NMT2: variants seen among roughly 807,000 people sequenced by gnomAD.
NMT2 encodes N-myristoyltransferase 2, also known as glycylpeptide N-tetradecanoyltransferase 2.
Under a neutral mutation model 65.4 loss-of-function variants are expected in NMT2, and 35 were observed. The observed-to-expected ratio is 0.54, with a 90% CI of 0.41 to 0.71. The LOEUF (loss-of-function observed/expected upper bound fraction) is 0.71, where lower values mean the gene tolerates loss of function less well. NMT2 is among the 30% of genes least tolerant of loss of function. NMT2 has a pLI of 0.00. For synonymous variants in NMT2, 226 were observed against 231.8 expected (o/e 0.98, Z 0.23); for missense variants, 489 against 611.3 (o/e 0.80, Z 2.11).
intron 1 of NMT2, among the ~76,000 whole-genome samples, chr10:15,160,365 GAGC>G (rs1476323697): frequency 6.6e-6 from 1 of 152,146 alleles, no homozygotes; most frequent in African/African-American, 2.4e-5. Flanking sequence ...CAGGCACAAG[GAGC>G]CCGGTGATGG....
chr10:15,166,697 G>A (rs1440645286), intron 1 of NMT2, among the ~76,000 whole-genome samples: 1 of 152,012 alleles, frequency 6.6e-6, no homozygotes, highest in Non-Finnish European at 1.5e-5. Flanking sequence ...CAGTCCATGG[G>A]GCATCTCTAA....
At chr10:15,130,096 A>G in intron 7 of NMT2, 46 bp downstream of exon 7, 1 of 1,366,890 alleles carries the variant, frequency 7.3e-7, no homozygotes, top group Non-Finnish European at 9.6e-7. Context: ...GAGGCTCAAC[A>G]TTTTTGATAA....
intron 9 of NMT2, among the ~76,000 whole-genome samples, chr10:15,116,084 G>C (rs111444138): frequency 0.014 from 2,166 of 152,274 alleles, 54 homozygotes; most frequent in African/African-American, 0.05. Context: ...TCAACATGAT[G>C]CAATTGCCAT....
At chr10:15,120,340 C>A (rs1201472119) in intron 8 of NMT2, among the ~76,000 whole-genome samples, 2 of 152,148 alleles carry the variant, frequency 1.3e-5, no homozygotes, top group African/African-American at 4.8e-5. Context: ...CACCTGTAAT[C>A]CCAGCTACTC....
intron 8 of NMT2, among the ~76,000 whole-genome samples, chr10:15,122,457 G>A (rs796159568): frequency 2.0e-5 from 3 of 150,914 alleles, no homozygotes; most frequent in South Asian, 2.1e-4. Flanking sequence ...TTACTCTGTC[G>A]CCCAGGCTGG....
At chr10:15,116,341 G>A (rs1300413021) in intron 9 of NMT2, among the ~76,000 whole-genome samples, 2 of 152,118 alleles carry the variant, frequency 1.3e-5, no homozygotes, top group Non-Finnish European at 2.9e-5. Context: ...GGGCTAAAGA[G>A]GAAGCCTCAA....
rs1845360889 is a variant in NMT2 at position 15,107,902 on chromosome 10, A to G, written c.*1293T>C. 2.0e-6 allele frequency: 2 copies of G among 985,450 alleles called. No individual in the cohort carries two copies. The allele number at this position is 985,450 out of a possible 1,614,324, so 61.0% of individuals were successfully genotyped here. ...ATTCTAGATTAAAAACACCATCAGT[A>G]ACAAAATTATGAATACTTATTTACA... On this transcript the variant is annotated 3_prime_UTR_variant, in exon 12 of 12. Coordinates refer to ENST00000378165, the MANE Select transcript of NMT2 (RefSeq NM_004808.3).
Position 15,108,733 on chromosome 10 carries a change from T to TA in NMT2, c.*461dup, listed in dbSNP as rs1845403367. 9.8e-7 allele frequency: 1 copy of TA among 1,021,866 alleles called. No homozygotes were observed. Among genetic ancestry groups the TA allele is most frequent in the Non-Finnish European group, 1.2e-6 (1 of 854,972 alleles). The allele number at this position is 1,021,866 out of a possible 1,614,324, so 63.3% of individuals were successfully genotyped here. On this transcript the variant is annotated 3_prime_UTR_variant, in exon 12 of 12. Coordinates refer to ENST00000378165, the MANE Select transcript of NMT2 (RefSeq NM_004808.3). ...TTCCCAGTGATACCATGTAAGGTGA[T>TA]ACCAGTAAAAAAAATTTCCAAATGG...
At chr10:15,110,041 G>A (rs1439192610) in intron 10 of NMT2, among the ~76,000 whole-genome samples, 3 of 152,180 alleles carry the variant, frequency 2.0e-5, no homozygotes, top group South Asian at 2.1e-4. Flanking sequence ...GTAGGCTGAG[G>A]TGGGTGGATC....
chr10:15,164,182 CAAAAAAAAA>C (rs34847914), intron 1 of NMT2, among the ~76,000 whole-genome samples: 1 of 69,868 alleles, frequency 1.4e-5, no homozygotes, highest in Non-Finnish European at 2.7e-5. Context: ...GAATTGGTCT[CAAAAAAAAA>C]AAAAAAAAAA....
intron 7 of NMT2, among the ~76,000 whole-genome samples, chr10:15,129,597 A>T (rs1322645411): frequency 6.6e-6 from 1 of 152,240 alleles, no homozygotes; most frequent in African/African-American, 2.4e-5. Context: ...AAATGGTATG[A>T]CATTGGAATT....
chr10:15,119,070 A>G (rs1396513586), intron 9 of NMT2, among the ~76,000 whole-genome samples: 2 of 152,258 alleles, frequency 1.3e-5, no homozygotes, highest in Non-Finnish European at 2.9e-5. Context: ...CTGGTGCCTT[A>G]GCACAAAACA....
intron 6 of NMT2, among the ~76,000 whole-genome samples, chr10:15,130,766 T>G (rs1846256459): frequency 2.1e-5 from 3 of 139,774 alleles, no homozygotes; most frequent in South Asian, 2.3e-4. Context: ...ATAAAGGCCA[T>G]TCTATTTTCT....
At chr10:15,149,804 A>G (rs1832741524) in intron 1 of NMT2, among the ~76,000 whole-genome samples, 1 of 150,948 alleles carries the variant, frequency 6.6e-6, no homozygotes, top group African/African-American at 2.5e-5. Flanking sequence ...CACATGGTTA[A>G]TAATGGCAGA....
rs1845333830 is a variant in NMT2 at position 15,107,174 on chromosome 10, G to T, written c.*2021C>A. The stretch of plus-strand genomic sequence containing the variant: ...ACCTTATTGAGGGACACCGGAATTT[G>T]AATTTTGTGTAATTTGCACATGTCA... On this transcript the variant is annotated 3_prime_UTR_variant, in exon 12 of 12. Coordinates refer to ENST00000378165, the MANE Select transcript of NMT2 (RefSeq NM_004808.3). 2.2e-5 allele frequency: 4 copies of T among 185,250 alleles called. No homozygotes were observed. The highest frequency in any genetic ancestry group is 4.0e-5 in the Non-Finnish European group (4 of 99,578). 11.5% of individuals were successfully genotyped at this position (185,250 alleles called of 1,614,324 possible).
At chr10:15,119,549 C>G in intron 8 of NMT2, 36 bp from the exon 9 acceptor site, 1 of 1,599,450 alleles carries the variant, frequency 6.3e-7, no homozygotes. Flanking sequence ...TCCAGAAGTT[C>G]AGGTAGAAGA....
chr10:15,168,622 G>C lies in NMT2; in HGVS notation c.-10C>G. On this transcript the variant is annotated 5_prime_UTR_variant, in exon 1 of 12. Coordinates refer to ENST00000378165, the MANE Select transcript of NMT2 (RefSeq NM_004808.3). ...CGCTGTCCTCCGCCATCGCGGCGGC[G>C]CTGGCTGGGGAGGCGGTGCTCGGGG... 6.4e-7 allele frequency: 1 copy of C among 1,571,546 alleles called. No individual in the cohort carries two copies. The highest frequency in any genetic ancestry group is 8.6e-7 in the Non-Finnish European group (1 of 1,165,582).
At chr10:15,162,753 T>C (rs934075880) in intron 1 of NMT2, among the ~76,000 whole-genome samples, 54 of 148,634 alleles carry the variant, frequency 3.6e-4, no homozygotes, top group African/African-American at 1.3e-3. Flanking sequence ...GTTTGATATA[T>C]ATATATATTT....
At chr10:15,151,182 C>G (rs1195222784) in intron 1 of NMT2, among the ~76,000 whole-genome samples, 2 of 152,046 alleles carry the variant, frequency 1.3e-5, no homozygotes, top group African/African-American at 4.8e-5. Flanking sequence ...CCTCAGCCTC[C>G]CAAGTAGCTG....
Sources: allele counts gnomAD v4.1 joint callset (sites outside exome capture counted in the v4.1 genomes callset), GRCh38; gene constraint gnomAD v4.1.1; transcripts MANE v1.5; gene names NCBI Gene and HGNC (gene_info 2026-07-23, HGNC 2026-07-21).